LINGO2: variants seen among roughly 807,000 people sequenced by gnomAD.
LINGO2 encodes leucine rich repeat and Ig domain containing 2.
Under a neutral mutation model 30.6 loss-of-function variants are expected in LINGO2, and 14 were observed. The observed-to-expected ratio is 0.46, with a 90% CI of 0.30 to 0.72. The LOEUF is 0.72. Ranked by LOEUF, LINGO2 falls within the 30% of genes least tolerant of loss-of-function variation. The pLI, the probability that LINGO2 is intolerant of heterozygous loss-of-function variation, is 0.07. For missense variants in LINGO2, 729 were observed against 751.7 expected (o/e 0.97, Z 0.35); for synonymous variants, 317 against 288.5 (o/e 1.10, Z -1.00).
chr9:28,995,043 T>C, the LINGO2 span, among the ~76,000 whole-genome samples: 1 of 151,920 alleles, frequency 6.6e-6, no homozygotes, highest in East Asian at 1.9e-4. Flanking sequence ...CTAAAGAGCT[T>C]CTGCACAGCA....
At chr9:29,091,283 A>G in the LINGO2 span, among the ~76,000 whole-genome samples, 1 of 152,034 alleles carries the variant, frequency 6.6e-6, no homozygotes, top group Non-Finnish European at 1.5e-5. Context: ...CAGTTGTGCC[A>G]ATGGACCCCC....
At chr9:29,121,235 T>C in the LINGO2 span, among the ~76,000 whole-genome samples, 1 of 152,170 alleles carries the variant, frequency 6.6e-6, no homozygotes, top group Non-Finnish European at 1.5e-5. Context: ...TCAAACTGTG[T>C]GTTGCTCTGA....
chr9:28,185,408 A>G (rs970965792), intron 4 of LINGO2, among the ~76,000 whole-genome samples: 5 of 152,186 alleles, frequency 3.3e-5, no homozygotes, highest in Non-Finnish European at 7.3e-5. Flanking sequence ...CATTCTGCAT[A>G]ATCATAACCC....
intron 4 of LINGO2, among the ~76,000 whole-genome samples, chr9:28,257,727 C>T (rs1490080966): frequency 6.6e-6 from 1 of 151,826 alleles, no homozygotes. Context: ...TATTTCTGCC[C>T]AGTAGAAGAA....
At chr9:28,314,055 C>G (rs1174685466) in intron 3 of LINGO2, among the ~76,000 whole-genome samples, 1 of 152,168 alleles carries the variant, frequency 6.6e-6, no homozygotes, top group Non-Finnish European at 1.5e-5. Flanking sequence ...CTGCCTCAGC[C>G]TCCCGCGTAG....
intron 1 of LINGO2, among the ~76,000 whole-genome samples, chr9:28,547,591 C>T (rs1038307092): frequency 1.3e-5 from 2 of 152,032 alleles, no homozygotes; most frequent in African/African-American, 4.8e-5. Context: ...TTTCATTTGC[C>T]TTAAATGACA....
the LINGO2 span, among the ~76,000 whole-genome samples, chr9:28,736,666 C>T: frequency 6.6e-6 from 1 of 152,010 alleles, no homozygotes; most frequent in East Asian, 1.9e-4. Flanking sequence ...GTGGCAGGTG[C>T]CTGTAATCCC....
At chr9:28,140,984 A>G (rs1827656083) in intron 4 of LINGO2, among the ~76,000 whole-genome samples, 1 of 151,190 alleles carries the variant, frequency 6.6e-6, no homozygotes, top group Non-Finnish European at 1.5e-5. Flanking sequence ...AATCATCAAC[A>G]ATATAAAATT....
the LINGO2 span, among the ~76,000 whole-genome samples, chr9:29,213,513 G>C: frequency 2.0e-5 from 3 of 152,100 alleles, no homozygotes; most frequent in Non-Finnish European, 4.4e-5. Context: ...CAGGTGAGGA[G>C]GCTTTGAGGA....
chr9:28,618,477 G>T (rs1325053828), intron 1 of LINGO2, among the ~76,000 whole-genome samples: 9 of 151,924 alleles, frequency 5.9e-5, no homozygotes, highest in African/African-American at 1.2e-4. Flanking sequence ...TCAACAAACA[G>T]CATCCAGAGT....
chr9:28,270,637 A>G (rs1822906500), intron 4 of LINGO2, among the ~76,000 whole-genome samples: 1 of 152,162 alleles, frequency 6.6e-6, no homozygotes, highest in African/African-American at 2.4e-5. Context: ...CAGCTGGTAT[A>G]TGAGCTGCAG....
chr9:27,957,777 A>C (rs76227287), intron 5 of LINGO2, among the ~76,000 whole-genome samples: 3,096 of 152,318 alleles, frequency 0.02, 96 homozygotes, highest in African/African-American at 0.07. Flanking sequence ...TGTGTTGATT[A>C]AATTAATAAA....
At chr9:28,979,400 C>G in the LINGO2 span, among the ~76,000 whole-genome samples, 4 of 152,024 alleles carry the variant, frequency 2.6e-5, no homozygotes, top group Non-Finnish European at 5.9e-5. Context: ...AAAAAGAGAG[C>G]TGATGCTGGG....
chr9:28,358,439 G>A (rs1820316141), intron 3 of LINGO2, among the ~76,000 whole-genome samples: 1 of 152,068 alleles, frequency 6.6e-6, no homozygotes, highest in Non-Finnish European at 1.5e-5. Flanking sequence ...AGTCACAAAT[G>A]GAGAGAATAA....
chr9:29,062,205 G>T, the LINGO2 span, among the ~76,000 whole-genome samples: 2 of 152,098 alleles, frequency 1.3e-5, no homozygotes, highest in African/African-American at 4.8e-5. Context: ...TGGTAAGGAT[G>T]TAGAGAAATT....
At chr9:28,928,600 A>G in the LINGO2 span, among the ~76,000 whole-genome samples, 1 of 152,214 alleles carries the variant, frequency 6.6e-6, no homozygotes, top group Admixed American at 6.5e-5. Flanking sequence ...TGAAACTGTA[A>G]AAGTGGAGAT....
intron 1 of LINGO2, among the ~76,000 whole-genome samples, chr9:28,554,915 G>T (rs1158731835): frequency 1.5e-5 from 2 of 133,034 alleles, no homozygotes; most frequent in African/African-American, 3.2e-5. Context: ...ATAACGAAAT[G>T]AAGGCAGAAA....
chr9:28,108,414 T>C lies in LINGO2; in HGVS notation c.-86-96009A>G, dbSNP rs113458787. 6.3e-3 allele frequency among the ~76,000 whole-genome samples: 959 copies of C among 152,270 alleles called. 15 individuals are homozygous for C. Among genetic ancestry groups the C allele is most frequent in the African/African-American group, 0.022 (909 of 41,554 alleles). ...GATTTGATGCTCTGGTACTCTTCCA[T>C]GTAAGGAAGATGCAGTGTGAAATTT... On this transcript the variant is annotated intron_variant, in intron 4 of 5. Coordinates refer to ENST00000379992, the Ensembl canonical transcript of LINGO2.
chr9:28,317,013 A>G (rs1231287313), intron 3 of LINGO2, among the ~76,000 whole-genome samples: 1 of 152,196 alleles, frequency 6.6e-6, no homozygotes, highest in African/African-American at 2.4e-5. Context: ...TATATCCGTC[A>G]TTATCCTTAT....
Sources: gnomAD v4.1 joint callset for allele counts (sites outside exome capture counted in the v4.1 genomes callset) on GRCh38, gnomAD v4.1.1 for gene constraint, MANE v1.5 for transcripts, NCBI Gene and HGNC (gene_info 2026-07-23, HGNC 2026-07-21) for gene names.